Variants in CTNNA3 observed in about 807,000 individuals in gnomAD.
The protein encoded by CTNNA3 is catenin alpha-3.
CTNNA3 carries 76 observed loss-of-function variants against 95.7 expected under a neutral mutation model. The ratio of observed to expected loss-of-function variants is 0.79; its 90% CI spans 0.66 to 0.96. The LOEUF is 0.96. CTNNA3 is among the 40% of genes least tolerant of loss of function. The probability of loss-of-function intolerance (pLI) is 0.00; values close to 1 mark genes in which losing one functional copy is unlikely to be tolerated. For missense variants in CTNNA3, 1,191 were observed against 1,089.8 expected (o/e 1.09, Z -1.31); for synonymous variants, 431 against 374.4 (o/e 1.15, Z -1.74).
intron 7 of CTNNA3, among the ~76,000 whole-genome samples, chr10:67,166,417 C>T (rs1452138358): frequency 6.6e-6 from 1 of 152,136 alleles, no homozygotes; most frequent in East Asian, 1.9e-4. Flanking sequence ...AGATAAGGTT[C>T]ACCCACTTCA....
intron 9 of CTNNA3, among the ~76,000 whole-genome samples, chr10:66,728,674 T>C (rs1848854897): frequency 1.3e-5 from 2 of 152,136 alleles, no homozygotes; most frequent in Admixed American, 1.3e-4. Flanking sequence ...TTGCAACTTC[T>C]GTTTCCCGCG....
chr10:66,188,595 CTGTGTGTGTGTGTGTG>C (rs71035114), intron 13 of CTNNA3, among the ~76,000 whole-genome samples: 2 of 121,036 alleles, frequency 1.7e-5, no homozygotes, highest in African/African-American at 7.2e-5. Flanking sequence ...GGGGGGGTCT[CTGTGTGTGTGTGTGTG>C]TGTGTGTGTG....
chr10:66,367,734 GC>G (rs145368760), intron 12 of CTNNA3, among the ~76,000 whole-genome samples: 8,936 of 149,040 alleles, frequency 0.06, 380 homozygotes, highest in East Asian at 0.11. Context: ...GATATTCTAA[GC>G]CTCCTGGGTG....
intron 16 of CTNNA3, among the ~76,000 whole-genome samples, chr10:65,982,445 G>A (rs1027389899): frequency 6.6e-6 from 1 of 151,366 alleles, no homozygotes; most frequent in African/African-American, 2.4e-5. Context: ...ATAGTGTGGA[G>A]ATTCCTTAAA....
At chr10:66,827,004 T>C (rs1842539786) in intron 7 of CTNNA3, among the ~76,000 whole-genome samples, 1 of 152,200 alleles carries the variant, frequency 6.6e-6, no homozygotes. Context: ...AAAAATTGAC[T>C]ATATCTTTAC....
intron 6 of CTNNA3, among the ~76,000 whole-genome samples, chr10:67,217,514 C>T (rs1284140562): frequency 6.6e-6 from 1 of 152,138 alleles, no homozygotes; most frequent in Non-Finnish European, 1.5e-5. Context: ...TCATGAAGAA[C>T]AACTGAGTCT....
chr10:65,980,878 C>A (rs1374593219), intron 16 of CTNNA3, among the ~76,000 whole-genome samples: 1 of 152,010 alleles, frequency 6.6e-6, no homozygotes, highest in Non-Finnish European at 1.5e-5. Context: ...AAACCCACAG[C>A]CAATATTATA....
intron 7 of CTNNA3, among the ~76,000 whole-genome samples, chr10:67,026,486 T>C (rs1853397936): frequency 6.6e-6 from 1 of 152,012 alleles, no homozygotes; most frequent in African/African-American, 2.4e-5. Flanking sequence ...TAAAGCAGTG[T>C]TATATAAGTA....
chr10:67,456,755 A>T (rs920787780), intron 5 of CTNNA3, among the ~76,000 whole-genome samples: 4 of 152,274 alleles, frequency 2.6e-5, no homozygotes, highest in African/African-American at 9.6e-5. Context: ...TATAATTTAT[A>T]ACACATGTTC....
chr10:67,482,838 G>A (rs1258480677), intron 5 of CTNNA3, among the ~76,000 whole-genome samples: 1 of 152,096 alleles, frequency 6.6e-6, no homozygotes, highest in Non-Finnish European at 1.5e-5. Context: ...GTTTTCAAAG[G>A]GAATGCTTCC....
In CTNNA3 at chr10:67,208,154, C is replaced by T. The variant is rs112945701; in HGVS notation, c.843+11453G>A. 6.7e-3 allele frequency among the ~76,000 whole-genome samples: 1,019 copies of T among 152,078 alleles called. 7 individuals carry two copies. Among genetic ancestry groups the T allele is most frequent in the South Asian group, 0.018 (89 of 4,816 alleles). ...TTTGGAGGCTGAGGTGGGTGGATCA[C>T]GAGGTCAGGAGTCCAAGACCAGCCT... On this transcript the variant is annotated intron_variant, in intron 6 of 17. Transcript: ENST00000433211.
intron 13 of CTNNA3, among the ~76,000 whole-genome samples, chr10:66,255,402 A>G (rs1240621447): frequency 6.6e-6 from 1 of 152,176 alleles, no homozygotes; most frequent in Non-Finnish European, 1.5e-5. Context: ...AAGTGGTCCC[A>G]TTTTGACCCA....
chr10:66,858,938 T>C (rs540006807), intron 7 of CTNNA3, among the ~76,000 whole-genome samples: 57 of 152,066 alleles, frequency 3.7e-4, no homozygotes, highest in Non-Finnish European at 5.6e-4. Flanking sequence ...TTCAACCATT[T>C]TGAAAAACTG....
At chr10:67,161,200 A>G (rs1861530726) in intron 7 of CTNNA3, among the ~76,000 whole-genome samples, 1 of 152,268 alleles carries the variant, frequency 6.6e-6, no homozygotes, top group East Asian at 1.9e-4. Flanking sequence ...TTGTCACAAT[A>G]AATAAATTAA....
chr10:66,560,972 C>A (rs1842536000), intron 10 of CTNNA3, among the ~76,000 whole-genome samples: 1 of 152,040 alleles, frequency 6.6e-6, no homozygotes, highest in South Asian at 2.1e-4. Context: ...TGATCTTAAA[C>A]TTCCCAGCCT....
At chr10:66,313,546 C>A (rs1258303398) in intron 12 of CTNNA3, among the ~76,000 whole-genome samples, 1 of 152,150 alleles carries the variant, frequency 6.6e-6, no homozygotes, top group Non-Finnish European at 1.5e-5. Flanking sequence ...GTGTCTGGCT[C>A]CTTCTCCTCT....
intron 17 of CTNNA3, among the ~76,000 whole-genome samples, chr10:65,930,449 C>G (rs1006629984): frequency 2.6e-5 from 4 of 152,032 alleles, no homozygotes; most frequent in African/African-American, 7.2e-5. Flanking sequence ...CAATTTTCTC[C>G]CATTGGTTAA....
rs368067642 is a variant in CTNNA3, at chr10:66,520,659, C to T, written c.1489G>A (p.Val497Ile). The change falls in exon 11 of 18, where the codon GTA (valine) becomes ATA (isoleucine). Residue 497 changes from valine (V) to isoleucine (I), a missense_variant. By Grantham distance (29) the Val-to-Ile change is conservative. Transcript: ENST00000433211. Reference protein sequence around the residue: ...ENHIHVLTEAVDDITSIDDFL... With the variant: ...ENHIHVLTEAIDDITSIDDFL... The stretch of plus-strand genomic sequence containing the variant: ...TCATCAATGCTTGTAATGTCATCTA[C>T]GGCTTCAGTGAGGACATGTATATGA... 10 of 1,609,562 alleles carry T rather than the reference C, an allele frequency of 6.2e-6. No homozygotes were observed. The highest frequency in any genetic ancestry group is 1.7e-5 in the Admixed American group (1 of 59,498).
intron 10 of CTNNA3, among the ~76,000 whole-genome samples, chr10:66,555,599 G>T (rs1277434810): frequency 6.6e-6 from 1 of 152,018 alleles, no homozygotes; most frequent in African/African-American, 2.4e-5. Flanking sequence ...GCCCAGGCCC[G>T]CTTCACTGTT....
Sources: gnomAD v4.1 joint callset for allele counts (sites outside exome capture counted in the v4.1 genomes callset) on GRCh38, gnomAD v4.1.1 for gene constraint, MANE v1.5 for transcripts, NCBI Gene and HGNC (gene_info 2026-07-23, HGNC 2026-07-21) for gene names.